Variants in THSD7A observed in about 807,000 individuals in gnomAD.
THSD7A encodes the protein thrombospondin type-1 domain-containing protein 7A.
In THSD7A, 96 loss-of-function variants were observed where a neutral mutation model predicts 231.3. The observed-to-expected ratio is 0.41, with a 90% CI of 0.35 to 0.49. The LOEUF is 0.49. Among genes scored for constraint, THSD7A ranks in the 20% least tolerant of loss-of-function variants. The probability of loss-of-function intolerance (pLI) is 0.05; values close to 1 mark genes in which losing one functional copy is unlikely to be tolerated. For synonymous variants in THSD7A, 940 were observed against 743.3 expected, an observed-to-expected ratio of 1.26 and a Z score of -4.30; for missense variants, 2,290 against 2,070.2, an observed-to-expected ratio of 1.11 and a Z score of -2.06.
At chr7:11,659,718 T>C (rs1391623790) in intron 1 of THSD7A, among the ~76,000 whole-genome samples, 3 of 151,516 alleles carry the variant, frequency 2.0e-5, no homozygotes. Context: ...ATACTGTTAA[T>C]GAATGAGTTA....
At chr7:11,565,274 T>G (rs1211146572) in intron 4 of THSD7A, among the ~76,000 whole-genome samples, 2 of 152,154 alleles carry the variant, frequency 1.3e-5, no homozygotes, top group Admixed American at 1.3e-4. Flanking sequence ...TGTTTCAAAG[T>G]AAGTACTGAA....
chr7:11,645,450 A>G (rs1782242264), intron 1 of THSD7A, among the ~76,000 whole-genome samples: 1 of 151,892 alleles, frequency 6.6e-6, no homozygotes, highest in African/African-American at 2.4e-5. Flanking sequence ...AAATACAGAG[A>G]TTAATAAGTA....
At chr7:11,473,992 C>T (rs1192453863) in intron 8 of THSD7A, among the ~76,000 whole-genome samples, 1 of 152,114 alleles carries the variant, frequency 6.6e-6, no homozygotes, top group East Asian at 1.9e-4. Context: ...CATGGATGAC[C>T]TACACTGCCA....
At chr7:11,617,618 TC>T (rs1781152101) in intron 2 of THSD7A, among the ~76,000 whole-genome samples, 3 of 152,224 alleles carry the variant, frequency 2.0e-5, no homozygotes. Flanking sequence ...ACTCTAGCAT[TC>T]TACTTACACA....
chr7:11,420,618 A>C (rs987954496), intron 16 of THSD7A, among the ~76,000 whole-genome samples: 3 of 152,196 alleles, frequency 2.0e-5, no homozygotes, highest in African/African-American at 7.2e-5. Flanking sequence ...GGGCCCCCCC[A>C]CACAGAGTCC....
At position 11,822,081 on chromosome 7, in the gene THSD7A, C is replaced by T. The variant is rs185705753; in HGVS notation, c.190+9676G>A. Among the ~76,000 whole-genome samples the T allele has an allele frequency of 7.2e-5, 11 of 152,172 alleles. No homozygotes were observed. In the East Asian group the frequency reaches 7.7e-4, roughly 11 times the overall value. On this transcript the variant is annotated intron_variant, in intron 1 of 27. Transcript: ENST00000423059. ...TTTGTACAAATTTATAGGGTACATG[C>T]GCAATTTTGTTACATGCATAGGTTG...
intron 6 of THSD7A, among the ~76,000 whole-genome samples, chr7:11,514,657 T>A (rs926411083): frequency 4.6e-5 from 7 of 152,326 alleles, no homozygotes; most frequent in African/African-American, 1.4e-4. Context: ...TATATAATAT[T>A]GCATGCAATC....
chr7:11,473,334 G>A (rs998535490), intron 8 of THSD7A, among the ~76,000 whole-genome samples: 28 of 152,086 alleles, frequency 1.8e-4, no homozygotes, highest in African/African-American at 6.5e-4. Flanking sequence ...CATTTATTGA[G>A]TGCTTAGATT....
intron 1 of THSD7A, among the ~76,000 whole-genome samples, chr7:11,778,490 A>G (rs1291613064): frequency 1.3e-5 from 2 of 152,184 alleles, no homozygotes; most frequent in Non-Finnish European, 2.9e-5. Context: ...CTATGTATTT[A>G]GTCTCTAGTT....
chr7:11,575,080 T>G (rs1790831774), intron 4 of THSD7A, among the ~76,000 whole-genome samples: 1 of 152,200 alleles, frequency 6.6e-6, no homozygotes, highest in East Asian at 1.9e-4. Context: ...AGGATTATAG[T>G]GAGGGTCTCA....
chr7:11,806,612 G>GA (rs1332518791), intron 1 of THSD7A, among the ~76,000 whole-genome samples: 1 of 152,148 alleles, frequency 6.6e-6, no homozygotes, highest in African/African-American at 2.4e-5. Flanking sequence ...AAACTTGAAT[G>GA]AAAAATATCC....
chr7:11,550,791 C>A (rs1474156339), intron 4 of THSD7A, among the ~76,000 whole-genome samples: 3 of 152,052 alleles, frequency 2.0e-5, no homozygotes, highest in East Asian at 3.9e-4. Context: ...ATTTACAGAT[C>A]CAGTTCTATT....
intron 1 of THSD7A, among the ~76,000 whole-genome samples, chr7:11,653,922 T>C (rs1235642656): frequency 6.6e-6 from 1 of 151,970 alleles, no homozygotes; most frequent in African/African-American, 2.4e-5. Context: ...CTTGAATTAA[T>C]AGTTTATTGA....
At chr7:11,605,544 C>T (rs1780705784) in intron 2 of THSD7A, among the ~76,000 whole-genome samples, 1 of 152,158 alleles carries the variant, frequency 6.6e-6, no homozygotes, top group Non-Finnish European at 1.5e-5. Context: ...ATTTTAACAA[C>T]ATTCCCAGAA....
chr7:11,678,471 G>A (rs895379367), intron 1 of THSD7A, among the ~76,000 whole-genome samples: 1 of 152,058 alleles, frequency 6.6e-6, no homozygotes. Context: ...AAGAAGAAAA[G>A]AGAGAAGAAT....
chr7:11,763,027 G>A (rs550460931), intron 1 of THSD7A, among the ~76,000 whole-genome samples: 39 of 152,230 alleles, frequency 2.6e-4, no homozygotes, highest in African/African-American at 4.8e-4. Context: ...TATTTCTAAC[G>A]TATAAACTAA....
At chr7:11,398,272 AAACT>A (rs1783267105) in intron 23 of THSD7A, among the ~76,000 whole-genome samples, 1 of 152,158 alleles carries the variant, frequency 6.6e-6, no homozygotes, top group African/African-American at 2.4e-5. Flanking sequence ...CATTCTCAGC[AAACT>A]AACACAGAAA....
At chr7:11,514,390 ATGAG>A (rs994632291) in intron 6 of THSD7A, among the ~76,000 whole-genome samples, 13 of 152,180 alleles carry the variant, frequency 8.5e-5, no homozygotes, top group African/African-American at 3.1e-4. Flanking sequence ...TGTTGAATAA[ATGAG>A]TATTTTGTAT....
intron 1 of THSD7A, among the ~76,000 whole-genome samples, chr7:11,664,645 A>G (rs1584172261): frequency 6.6e-6 from 1 of 152,016 alleles, no homozygotes; most frequent in African/African-American, 2.4e-5. Context: ...GGAACATAAA[A>G]GATGACAGAT....
Sources: allele counts gnomAD v4.1 joint callset (sites outside exome capture counted in the v4.1 genomes callset), GRCh38; gene constraint gnomAD v4.1.1; transcripts MANE v1.5; gene names NCBI Gene and HGNC (gene_info 2026-07-23, HGNC 2026-07-21).